Variants in TDG observed in about 807,000 individuals in gnomAD.
The protein encoded by TDG is G/T mismatch-specific thymine DNA glycosylase.
A neutral mutation model predicts 46.1 loss-of-function variants in TDG; 23 were observed. The ratio of observed to expected loss-of-function variants is 0.50; its 90% CI spans 0.36 to 0.71. TDG has a LOEUF of 0.71. Among genes scored for constraint, TDG ranks in the 30% least tolerant of loss-of-function variants. The pLI, the probability that TDG is intolerant of heterozygous loss-of-function variation, is 0.00. For synonymous variants in TDG, 115 were observed against 161.3 expected (o/e 0.71, Z 2.18); for missense variants, 304 against 486.7 (o/e 0.62, Z 3.53).
chr12:103,970,477 TAAAAAA>T (rs1268865027), intron 1 of TDG, among the ~76,000 whole-genome samples: 4 of 149,588 alleles, frequency 2.7e-5, no homozygotes, highest in Admixed American at 6.6e-5. Flanking sequence ...CCCTGTCTCT[TAAAAAA>T]GAAAAAAGCA....
chr12:103,983,441 A>G (rs751693350), intron 7 of TDG, 52 bp downstream of exon 7: 52 of 1,358,518 alleles, frequency 3.8e-5, no homozygotes, highest in Non-Finnish European at 5.1e-5. Flanking sequence ...ATTTTTTTCT[A>G]GATAATTTCC....
chr12:103,981,065 A>G (rs2700492), intron 4 of TDG, 103 bp downstream of exon 4: 1 of 962,032 alleles, frequency 1.0e-6, no homozygotes, highest in Non-Finnish European at 1.6e-6. Flanking sequence ...AAGAGACTGT[A>G]AATACACATT....
In TDG at chr12:103,966,069, G is replaced by A. The variant is rs765594904; in HGVS notation, c.23+9G>A. 4.5e-6 allele frequency: 7 copies of A among 1,563,530 alleles called. No homozygotes were observed. The highest frequency in any genetic ancestry group is 6.1e-6 in the Non-Finnish European group (7 of 1,155,334). Reference sequence around the variant, plus strand: ...GCGGAGAACGCGGGCAGGTAATACCGGGGCCAGCGCCGCCCCTCCCTTGCG... The same window carrying A: ...GCGGAGAACGCGGGCAGGTAATACCAGGGCCAGCGCCGCCCCTCCCTTGCG... On this transcript the variant is annotated intron_variant, in intron 1 of 9. Transcript: ENST00000392872.
intron 1 of TDG, among the ~76,000 whole-genome samples, chr12:103,974,530 C>T (rs1871429344): frequency 6.6e-6 from 1 of 152,190 alleles, no homozygotes; most frequent in Non-Finnish European, 1.5e-5. Context: ...ATCCTCCCGC[C>T]TTGCCCTCCC....
chr12:103,985,099 C>A (rs1256352372), intron 8 of TDG, among the ~76,000 whole-genome samples, 179 bp downstream of exon 8: 1 of 147,782 alleles, frequency 6.8e-6, no homozygotes, highest in African/African-American at 2.5e-5. Flanking sequence ...GTATGTATGT[C>A]TATATACATA....
intron 1 of TDG, among the ~76,000 whole-genome samples, chr12:103,969,084 G>A (rs1197547902): frequency 6.6e-6 from 1 of 152,232 alleles, no homozygotes; most frequent in Admixed American, 6.5e-5. Flanking sequence ...ATGCTGGCAG[G>A]AGGTACCTAC....
At chr12:103,969,333 T>G (rs1353993524) in intron 1 of TDG, among the ~76,000 whole-genome samples, 1 of 152,224 alleles carries the variant, frequency 6.6e-6, no homozygotes, top group Non-Finnish European at 1.5e-5. Context: ...CAAATGTGCT[T>G]TACTGCCTCT....
intron 1 of TDG, among the ~76,000 whole-genome samples, chr12:103,966,542 A>C (rs1027087450): frequency 1.3e-5 from 2 of 152,272 alleles, no homozygotes; most frequent in African/African-American, 2.4e-5. Flanking sequence ...CACGGGTTAG[A>C]TAATTTTGTT....
intron 1 of TDG, 152 bp downstream of exon 1, chr12:103,966,212 C>G (rs1173395883): frequency 1.9e-5 from 20 of 1,077,766 alleles, no homozygotes; most frequent in Non-Finnish European, 2.5e-5. Context: ...GTCGGCCTTT[C>G]CTTCCCTGGC....
chr12:103,985,737 C>G lies in TDG; in HGVS notation c.1090+9C>G, dbSNP rs1477850502. On this transcript the variant is annotated intron_variant, in intron 9 of 9. Coordinates refer to ENST00000392872, the MANE Select transcript of TDG (RefSeq NM_003211.6). ...CTCTTCAAATGGGCTAAGTATGGTT[C>G]CCTCCACATGTGTATTCCTTTCAAA... The G allele has an allele frequency of 1.5e-6, 1 of 664,346 alleles. No individual in the cohort carries two copies. The highest frequency in any genetic ancestry group is 1.8e-6 in the Non-Finnish European group (1 of 551,128). 41.2% of individuals were successfully genotyped at this position (664,346 alleles called of 1,614,324 possible).
chr12:103,984,721 C>G (rs758622501), intron 7 of TDG, 28 bp from the exon 8 acceptor site: 1 of 1,389,742 alleles, frequency 7.2e-7, no homozygotes, highest in South Asian at 1.8e-5. Flanking sequence ...TATAAGATTT[C>G]TGAAATTATA....
chr12:103,974,030 C>T (rs967162789), intron 1 of TDG, among the ~76,000 whole-genome samples: 3 of 152,130 alleles, frequency 2.0e-5, no homozygotes, highest in Non-Finnish European at 4.4e-5. Flanking sequence ...TTAAAGATAG[C>T]TGGAAGTGGA....
chr12:103,971,327 G>T (rs1203473637), intron 1 of TDG, among the ~76,000 whole-genome samples: 1 of 152,186 alleles, frequency 6.6e-6, no homozygotes, highest in Non-Finnish European at 1.5e-5. Context: ...CTTTGGGGAA[G>T]CTAAGGCGGG....
At chr12:103,977,910 C>T (rs1190368756) in intron 2 of TDG, among the ~76,000 whole-genome samples, 3 of 152,142 alleles carry the variant, frequency 2.0e-5, no homozygotes, top group South Asian at 2.1e-4. Flanking sequence ...ACAAATTAGC[C>T]GGGCATGGTG....
At chr12:103,985,035 A>G (rs1306802052) in intron 8 of TDG, 115 bp downstream of exon 8, 4 of 711,206 alleles carry the variant, frequency 5.6e-6, no homozygotes, top group Non-Finnish European at 8.0e-6. Context: ...ATATGTGTGC[A>G]CATATATGCA....
chr12:103,968,257 C>T (rs534972401), intron 1 of TDG, among the ~76,000 whole-genome samples: 24 of 152,236 alleles, frequency 1.6e-4, no homozygotes, highest in Non-Finnish European at 2.8e-4. Context: ...GTGAAAAAGA[C>T]ATTTACCGAA....
Position 103,980,176 on chromosome 12 carries a change from A to G in TDG, c.408+104A>G, listed in dbSNP as rs757505890. ...CATTTTGCTGAAAAGGACCATTTCT[A>G]AGAATCCTTTTGGTGGTAAATGGTG... On this transcript the variant is annotated intron_variant, in intron 3 of 9. Transcript: ENST00000392872. The G allele has an allele frequency of 4.0e-6, 6 of 1,515,728 alleles. No individual in the cohort carries two copies. The South Asian group carries it at 6.1e-5, about 15-fold the overall frequency. The allele number at this position is 1,515,728 out of a possible 1,614,324, so 93.9% of individuals were successfully genotyped here.
rs1438600390 is a variant in TDG, at chr12:103,979,846, G to T, written c.182G>T (p.Arg61Ile). 6.4e-7 allele frequency: 1 copy of T among 1,570,780 alleles called. No homozygotes were observed. Among genetic ancestry groups the T allele is most frequent in the Non-Finnish European group, 8.6e-7 (1 of 1,168,708 alleles). The change falls in exon 3 of 10, where the codon AGA becomes ATA. Residue 61 changes from arginine to isoleucine, a missense_variant. Arg to Ile is a moderately conservative substitution (Grantham distance 97). Transcript: ENST00000392872. ...QEPVQEAPKG[R>I]KRKPRTTEPK... ...TGTATTTCAGAGGCTCCAAAAGGAA[G>T]AAAAAGAAAACCCAGAACAACAGAA...
chr12:103,982,516 C>T (rs1443876414), intron 4 of TDG, among the ~76,000 whole-genome samples: 1 of 152,170 alleles, frequency 6.6e-6, no homozygotes, highest in Non-Finnish European at 1.5e-5. Context: ...CCTGTAATCC[C>T]AGCAATTTTG....
Sources: gnomAD v4.1 joint callset for allele counts (sites outside exome capture counted in the v4.1 genomes callset) on GRCh38, gnomAD v4.1.1 for gene constraint, MANE v1.5 for transcripts, NCBI Gene and HGNC (gene_info 2026-07-23, HGNC 2026-07-21) for gene names.